The following SKAP1 variants were observed in gnomAD, a reference collection of about 807,000 sequenced individuals.
The protein encoded by SKAP1 is src kinase-associated phosphoprotein 1.
SKAP1 carries 44 observed loss-of-function variants against 58.5 expected under a neutral mutation model. That is an observed-to-expected ratio of 0.75 (90% CI 0.59 to 0.97). The LOEUF (loss-of-function observed/expected upper bound fraction) is 0.97, where lower values mean the gene tolerates loss of function less well. Among genes scored for constraint, SKAP1 ranks in the 50% least tolerant of loss-of-function variants. The probability of loss-of-function intolerance (pLI) is 0.00; values close to 1 mark genes in which losing one functional copy is unlikely to be tolerated. For synonymous variants in SKAP1, 127 were observed against 149.7 expected, an observed-to-expected ratio of 0.85 and a Z score of 1.11; for missense variants, 390 against 435.2, an observed-to-expected ratio of 0.90 and a Z score of 0.92.
At chr17:48,291,225 T>C (rs1217888629) in intron 4 of SKAP1, among the ~76,000 whole-genome samples, 1 of 152,246 alleles carries the variant, frequency 6.6e-6, no homozygotes, top group Admixed American at 6.5e-5. Context: ...TTCATGGGGT[T>C]ACTTTGAAAA....
intron 2 of SKAP1, among the ~76,000 whole-genome samples, chr17:48,382,171 C>A (rs2067222608): frequency 1.4e-5 from 2 of 145,052 alleles, no homozygotes; most frequent in Non-Finnish European, 3.0e-5. Flanking sequence ...TTAGCTGTGA[C>A]TATTATTCTT....
intron 11 of SKAP1, among the ~76,000 whole-genome samples, chr17:48,151,726 T>C (rs1222563408): frequency 6.6e-6 from 1 of 152,196 alleles, no homozygotes; most frequent in Non-Finnish European, 1.5e-5. Context: ...CAATGCTCCA[T>C]GTAAGTTCTT....
intron 4 of SKAP1, among the ~76,000 whole-genome samples, chr17:48,214,653 G>A (rs573531956): frequency 1.3e-5 from 2 of 151,098 alleles, no homozygotes; most frequent in South Asian, 4.2e-4. Context: ...TTAGAGGCTG[G>A]GCTCACACCT....
At chr17:48,337,071 A>G (rs1284095862) in intron 4 of SKAP1, among the ~76,000 whole-genome samples, 1 of 152,186 alleles carries the variant, frequency 6.6e-6, no homozygotes, top group African/African-American at 2.4e-5. Flanking sequence ...AAAACTTCCC[A>G]TAAAGGAACA....
At chr17:48,384,829 T>C (rs2067256647) in intron 2 of SKAP1, among the ~76,000 whole-genome samples, 1 of 152,176 alleles carries the variant, frequency 6.6e-6, no homozygotes, top group Non-Finnish European at 1.5e-5. Context: ...ATATGCTGTC[T>C]GGTGCCTTGG....
At chr17:48,202,616 C>T (rs979129075) in intron 4 of SKAP1, among the ~76,000 whole-genome samples, 1 of 152,106 alleles carries the variant, frequency 6.6e-6, no homozygotes, top group African/African-American at 2.4e-5. Flanking sequence ...TGAAGTCAAA[C>T]TTTGCAAGGA....
chr17:48,434,968 C>A, upstream of SKAP1, among the ~76,000 whole-genome samples: 1 of 152,028 alleles, frequency 6.6e-6, no homozygotes, highest in East Asian at 1.9e-4. Context: ...TAGTGAGACC[C>A]CTGTCTCTAC....
chr17:48,154,604 A>G (rs913346288), intron 11 of SKAP1, among the ~76,000 whole-genome samples: 1 of 152,186 alleles, frequency 6.6e-6, no homozygotes, highest in Non-Finnish European at 1.5e-5. Flanking sequence ...GGCTCAGTTT[A>G]CCTTAAATGG....
chr17:48,283,050 G>A (rs940900327), intron 4 of SKAP1, among the ~76,000 whole-genome samples: 1 of 152,160 alleles, frequency 6.6e-6, no homozygotes, highest in African/African-American at 2.4e-5. Flanking sequence ...TCTTATTTCA[G>A]AGACAGAATA....
intron 1 of SKAP1, among the ~76,000 whole-genome samples, chr17:48,428,208 G>T (rs1337336127): frequency 6.6e-6 from 1 of 151,442 alleles, no homozygotes; most frequent in African/African-American, 2.4e-5. Context: ...AAGCCTTAAA[G>T]AAATACATTA....
intron 11 of SKAP1, among the ~76,000 whole-genome samples, chr17:48,148,288 TAAAG>T (rs755680698): frequency 3.3e-5 from 5 of 151,684 alleles, no homozygotes; most frequent in Non-Finnish European, 5.9e-5. Context: ...AATAGGGCTG[TAAAG>T]AAAGAGAAAT....
intron 4 of SKAP1, among the ~76,000 whole-genome samples, chr17:48,303,508 C>T (rs1014558658): frequency 1.7e-4 from 26 of 152,222 alleles, no homozygotes; most frequent in African/African-American, 6.0e-4. Context: ...GGTCTCACTA[C>T]AGCTCTATGA....
chr17:48,283,989 C>G (rs912574976), intron 4 of SKAP1, among the ~76,000 whole-genome samples: 1 of 152,198 alleles, frequency 6.6e-6, no homozygotes, highest in Non-Finnish European at 1.5e-5. Flanking sequence ...TGGGATGTAA[C>G]TTTGAAATTG....
chr17:48,323,372 G>A (rs1303785439), intron 4 of SKAP1, among the ~76,000 whole-genome samples: 2 of 152,008 alleles, frequency 1.3e-5, no homozygotes, highest in African/African-American at 4.8e-5. Context: ...TTTATTCACA[G>A]AGTCCAAATT....
intron 4 of SKAP1, among the ~76,000 whole-genome samples, chr17:48,250,282 T>G (rs201715899): frequency 0.089 from 10,210 of 114,782 alleles, 902 homozygotes; most frequent in East Asian, 0.19. Flanking sequence ...GTTTTTTTTT[T>G]TTTTTTTTTT....
intron 4 of SKAP1, among the ~76,000 whole-genome samples, chr17:48,204,975 T>TTCTTTTCTTTCTTTC (rs1341196350): frequency 1.0e-4 from 4 of 39,478 alleles, no homozygotes; most frequent in Admixed American, 2.7e-4. Flanking sequence ...TTCTTTTCTT[T>TTCTTTTCTTTCTTTC]TCTTTCTTTC....
At chr17:48,418,051 T>C (rs2067753429) in intron 1 of SKAP1, among the ~76,000 whole-genome samples, 1 of 152,018 alleles carries the variant, frequency 6.6e-6, no homozygotes, top group Non-Finnish European at 1.5e-5. Context: ...TCCCAGCATT[T>C]GGGGAGAGAA....
intron 4 of SKAP1, among the ~76,000 whole-genome samples, chr17:48,285,642 A>T (rs1277130063): frequency 6.6e-6 from 1 of 150,634 alleles, no homozygotes; most frequent in East Asian, 1.9e-4. Context: ...GGGAGCCCCT[A>T]TGTCAATATT....
At chr17:48,185,635 A>G (rs2064439533) in intron 6 of SKAP1, among the ~76,000 whole-genome samples, 1 of 152,228 alleles carries the variant, frequency 6.6e-6, no homozygotes, top group South Asian at 2.1e-4. Flanking sequence ...TTTGAGCTCT[A>G]TATCATGTGA....
Sources: allele counts gnomAD v4.1 joint callset (sites outside exome capture counted in the v4.1 genomes callset), GRCh38; gene constraint gnomAD v4.1.1; transcripts MANE v1.5; gene names NCBI Gene and HGNC (gene_info 2026-07-23, HGNC 2026-07-21).